SORCS2: variants seen among roughly 807,000 people sequenced by gnomAD.
SORCS2 encodes the protein VPS10 domain-containing receptor SorCS2.
SORCS2 carries 100 observed loss-of-function variants against 141.6 expected under a neutral mutation model. The ratio of observed to expected loss-of-function variants is 0.71; its 90% CI spans 0.60 to 0.83. SORCS2 has a LOEUF of 0.83. Among genes scored for constraint, SORCS2 ranks in the 40% least tolerant of loss-of-function variants. The pLI is 0.00. For missense variants in SORCS2, 1,646 were observed against 1,560.2 expected (o/e 1.05, Z -0.93); for synonymous variants, 789 against 676.9 (o/e 1.17, Z -2.57).
rs768917104 is a variant in SORCS2, at chr4:7,725,170, C to T, written c.2628C>T (p.Leu876=). ...TCCCCACAGCCCCCCTGCAGGCCCT[C>T]TACCTGGAGGTGGTTCCTGTCATTG... The part of the protein sequence containing the change: ...FVQVNSPLQA[L]YLEVVPVIGL... Residue 876 remains leucine (L), a synonymous_variant, in exon 20 of 27, where the codon CTC becomes CTT. Transcript: ENST00000507866. 2 of 1,613,278 alleles carry T rather than the reference C, an allele frequency of 1.2e-6. No individual in the cohort carries two copies. Among genetic ancestry groups the T allele is most frequent in the East Asian group, 2.2e-5 (1 of 44,888 alleles).
intron 1 of SORCS2, among the ~76,000 whole-genome samples, chr4:7,296,020 C>T (rs112320412): frequency 2.8e-4 from 43 of 152,272 alleles, no homozygotes; most frequent in African/African-American, 5.8e-4. Context: ...GTCATGGCTG[C>T]GTGTGTGGCT....
chr4:7,504,989 A>G (rs1367980098), intron 2 of SORCS2, among the ~76,000 whole-genome samples: 1 of 152,170 alleles, frequency 6.6e-6, no homozygotes, highest in Non-Finnish European at 1.5e-5. Flanking sequence ...GAGCCAGGGG[A>G]CCGAACCCTC....
chr4:7,356,971 C>G (rs933751578), intron 1 of SORCS2, among the ~76,000 whole-genome samples: 1 of 152,252 alleles, frequency 6.6e-6, no homozygotes, highest in African/African-American at 2.4e-5. Flanking sequence ...CTCCCCTTTT[C>G]TCATCTCATC....
intron 1 of SORCS2, among the ~76,000 whole-genome samples, chr4:7,294,675 C>T (rs1209260634): frequency 4.4e-5 from 6 of 136,020 alleles, no homozygotes; most frequent in East Asian, 2.2e-4. Context: ...CTCCCTCCTC[C>T]TCCTCCTCCT....
chr4:7,562,182 T>C (rs890762561), intron 3 of SORCS2, among the ~76,000 whole-genome samples: 1 of 152,194 alleles, frequency 6.6e-6, no homozygotes, highest in Non-Finnish European at 1.5e-5. Flanking sequence ...AATTACCCCA[T>C]GATTGTGTTG....
intron 1 of SORCS2, among the ~76,000 whole-genome samples, chr4:7,282,305 T>C (rs1185996000): frequency 6.6e-6 from 1 of 152,222 alleles, no homozygotes; most frequent in African/African-American, 2.4e-5. Flanking sequence ...ACCAGAGTGA[T>C]AGACATGTTT....
intron 1 of SORCS2, among the ~76,000 whole-genome samples, chr4:7,309,333 G>A (rs1718036590): frequency 3.9e-5 from 6 of 152,176 alleles, no homozygotes; most frequent in Admixed American, 3.9e-4. Flanking sequence ...CAGGACTCAG[G>A]GACCCAGAGC....
chr4:7,316,573 C>A (rs755836151), intron 1 of SORCS2, among the ~76,000 whole-genome samples: 2 of 152,192 alleles, frequency 1.3e-5, no homozygotes, highest in East Asian at 3.9e-4. Flanking sequence ...AGTTATCTGA[C>A]CTTCCCGTGC....
chr4:7,375,716 T>C (rs933243442), intron 1 of SORCS2, among the ~76,000 whole-genome samples: 22 of 152,234 alleles, frequency 1.4e-4, no homozygotes, highest in African/African-American at 5.3e-4. Flanking sequence ...TGTGCAATAC[T>C]GCAATACACA....
At chr4:7,264,947 A>G (rs1714621886) in intron 1 of SORCS2, among the ~76,000 whole-genome samples, 1 of 152,166 alleles carries the variant, frequency 6.6e-6, no homozygotes, top group Non-Finnish European at 1.5e-5. Context: ...TCATGCCATC[A>G]TTCCCGCCTG....
intron 12 of SORCS2, among the ~76,000 whole-genome samples, chr4:7,700,726 C>T (rs150683857): frequency 1.3e-5 from 2 of 152,322 alleles, no homozygotes; most frequent in East Asian, 1.9e-4. Flanking sequence ...GCAGACAGGG[C>T]CGTGAACCTC....
At chr4:7,335,336 C>A (rs1052433717) in intron 1 of SORCS2, among the ~76,000 whole-genome samples, 9 of 152,208 alleles carry the variant, frequency 5.9e-5, no homozygotes, top group African/African-American at 2.2e-4. Flanking sequence ...TGTTCTGGGC[C>A]CTCCCTGGGG....
At chr4:7,378,711 A>G (rs1045695257) in intron 1 of SORCS2, among the ~76,000 whole-genome samples, 2 of 152,164 alleles carry the variant, frequency 1.3e-5, no homozygotes, top group Admixed American at 6.5e-5. Flanking sequence ...TGCTACCAGA[A>G]CACCTGTGTG....
intron 2 of SORCS2, among the ~76,000 whole-genome samples, chr4:7,525,800 A>AG (rs1191401315): frequency 7.9e-4 from 83 of 105,314 alleles, no homozygotes; most frequent in East Asian, 1.8e-3. Context: ...TCCCCTCCTC[A>AG]TACCTGTTCC....
At chr4:7,267,243 ACTT>A (rs1009250053) in intron 1 of SORCS2, among the ~76,000 whole-genome samples, 3 of 152,038 alleles carry the variant, frequency 2.0e-5, no homozygotes, top group African/African-American at 7.2e-5. Flanking sequence ...TGGTATAACT[ACTT>A]CTTCCCTGTT....
chr4:7,613,458 AG>A (rs1718554855), intron 3 of SORCS2, among the ~76,000 whole-genome samples: 1 of 152,194 alleles, frequency 6.6e-6, no homozygotes, highest in Non-Finnish European at 1.5e-5. Flanking sequence ...TCCACCCAGA[AG>A]CAATAAGTCC....
chr4:7,723,437 T>C (rs567434209), intron 18 of SORCS2, among the ~76,000 whole-genome samples: 57 of 152,230 alleles, frequency 3.7e-4, no homozygotes, highest in African/African-American at 1.3e-3. Context: ...TCTCCCTCTC[T>C]GCCGCTGGGT....
At chr4:7,677,308 G>T (rs551018536) in intron 9 of SORCS2, among the ~76,000 whole-genome samples, 4 of 152,188 alleles carry the variant, frequency 2.6e-5, no homozygotes, top group Admixed American at 1.3e-4. Flanking sequence ...CAGCAGCCCC[G>T]CCCCGGCCAG....
At chr4:7,671,896 G>A (rs1230988719) in intron 8 of SORCS2, among the ~76,000 whole-genome samples, 3 of 150,140 alleles carry the variant, frequency 2.0e-5, no homozygotes, top group African/African-American at 7.3e-5. Flanking sequence ...TAAACACAAA[G>A]AGATCCACAC....
Sources: allele counts gnomAD v4.1 joint callset (sites outside exome capture counted in the v4.1 genomes callset), GRCh38; gene constraint gnomAD v4.1.1; transcripts MANE v1.5; gene names NCBI Gene and HGNC (gene_info 2026-07-23, HGNC 2026-07-21).